DRC1: variants seen among roughly 807,000 people sequenced by gnomAD.
DRC1 encodes the protein dynein regulatory complex subunit 1.
DRC1 carries 74 observed loss-of-function variants against 98.7 expected under a neutral mutation model. The ratio of observed to expected loss-of-function variants is 0.75; its 90% CI spans 0.62 to 0.91. The LOEUF is 0.91. Ranked by LOEUF, DRC1 falls within the 40% of genes least tolerant of loss-of-function variation. The pLI, the probability that DRC1 is intolerant of heterozygous loss-of-function variation, is 0.00. For synonymous variants in DRC1, 336 were observed against 334.1 expected (o/e 1.01, Z -0.06); for missense variants, 875 against 886.0 (o/e 0.99, Z 0.16).
At position 26,440,467 on chromosome 2, in the gene DRC1, A is replaced by C. The variant is rs747757521; in HGVS notation, c.978A>C (p.Arg326Ser). 1 of 1,613,560 alleles carries C rather than the reference A, an allele frequency of 6.2e-7. No individual in the cohort carries two copies. The highest frequency in any genetic ancestry group is 8.5e-7 in the Non-Finnish European group (1 of 1,179,766). Residue 326 changes from arginine to serine, a missense_variant, in exon 8 of 17, where the codon AGA becomes AGC. Coordinates refer to ENST00000288710, the MANE Select transcript of DRC1 (RefSeq NM_145038.5). ...ACAACTTGCAGGTGCTGAAGAAGAG[A>C]GATGAAGAAAGCACAGTAATTAAAT... The part of the protein sequence containing the change: ...LEYNLQVLKK[R>S]DEESTVIKSQ...
At chr2:26,414,002 C>A (rs921123773) in intron 1 of DRC1, among the ~76,000 whole-genome samples, 7 of 151,856 alleles carry the variant, frequency 4.6e-5, no homozygotes, top group Non-Finnish European at 5.9e-5. Context: ...AGCAGTCCTT[C>A]TGCCTTGGCC....
At chr2:26,421,100 A>G (rs1433477942) in intron 2 of DRC1, 188 bp from the exon 3 acceptor site, 1 of 455,894 alleles carries the variant, frequency 2.2e-6, no homozygotes, top group Non-Finnish European at 4.0e-6. Flanking sequence ...TGAGCTGTAA[A>G]ATCACATCAC....
chr2:26,405,346 T>C (rs1572348334), intron 1 of DRC1, among the ~76,000 whole-genome samples: 1 of 152,186 alleles, frequency 6.6e-6, no homozygotes, highest in Non-Finnish European at 1.5e-5. Flanking sequence ...GATTCTATGA[T>C]AAACAAGGCA....
intron 16 of DRC1, among the ~76,000 whole-genome samples, chr2:26,455,869 C>T (rs369173241): frequency 6.6e-6 from 1 of 152,230 alleles, no homozygotes; most frequent in Non-Finnish European, 1.5e-5. Flanking sequence ...ACATTTCCTG[C>T]TCTGCGGGTG....
intron 7 of DRC1, among the ~76,000 whole-genome samples, chr2:26,435,821 GGTGTATAC>G (rs1302604705): frequency 6.6e-6 from 1 of 151,462 alleles, no homozygotes; most frequent in Admixed American, 6.6e-5. Context: ...AATATTCCAT[GGTGTATAC>G]GTACCACATT....
Position 26,444,248 on chromosome 2 carries a change from G to A in DRC1, c.1055G>A (p.Arg352Lys). The A allele has an allele frequency of 1.9e-6, 3 of 1,614,102 alleles. No individual in the cohort carries two copies. In the South Asian group the frequency reaches 3.3e-5, roughly 18 times the overall value. ...CTGCATGATATACTTAACAATCTGAGATCAAAATATGCCAAGCAAATAAAG... is the reference window on the plus strand; with the variant it reads ...CTGCATGATATACTTAACAATCTGAAATCAAAATATGCCAAGCAAATAAAG... ...NRLHDILNNLRSKYAKQIKQF... is the reference protein window; with the variant it reads ...NRLHDILNNLKSKYAKQIKQF... Residue 352 changes from arginine to lysine, a missense_variant, in exon 9 of 17, where the codon AGA (arginine) becomes AAA (lysine). By Grantham distance (26) the Arg-to-Lys change is conservative. Transcript: ENST00000288710.
In DRC1 at chr2:26,424,455, G is replaced by A. The variant is rs1171009877; in HGVS notation, c.540+1G>A. On this transcript the variant is annotated splice_donor_variant, in intron 4 of 16. Coordinates refer to ENST00000288710, the MANE Select transcript of DRC1 (RefSeq NM_145038.5). LOFTEE classifies it high-confidence loss of function. The stretch of plus-strand genomic sequence containing the variant: ...TAAACTCATCAGCGAGTTACAGCAG[G>A]CAAGAGGCCCGGGCCCTCCAGCCCA... 2 of 1,604,134 alleles carry A rather than the reference G, an allele frequency of 1.2e-6. No individual in the cohort carries two copies. Among genetic ancestry groups the A allele is most frequent in the Non-Finnish European group, 8.5e-7 (1 of 1,173,014 alleles).
intron 2 of DRC1, among the ~76,000 whole-genome samples, chr2:26,416,202 G>A (rs779604976): frequency 2.0e-5 from 3 of 152,120 alleles, no homozygotes; most frequent in Admixed American, 6.5e-5. Context: ...TATTAGTTCT[G>A]ACCTAAGATC....
intron 1 of DRC1, 109 bp from the exon 2 acceptor site, chr2:26,414,235 C>T: frequency 9.0e-7 from 1 of 1,115,856 alleles, no homozygotes; most frequent in Non-Finnish European, 1.3e-6. Flanking sequence ...TCTTGGTCTC[C>T]CAAACTGTTG....
intron 3 of DRC1, among the ~76,000 whole-genome samples, chr2:26,422,573 A>G (rs1258211640): frequency 6.6e-6 from 1 of 152,226 alleles, no homozygotes; most frequent in African/African-American, 2.4e-5. Flanking sequence ...GCAGGTCCTC[A>G]TTTAAGCTTT....
intron 2 of DRC1, 64 bp downstream of exon 2, chr2:26,414,495 C>T (rs947372670): frequency 2.1e-6 from 3 of 1,435,378 alleles, no homozygotes; most frequent in Non-Finnish European, 2.9e-6. Context: ...TCATGGTTTT[C>T]ACATTTAGAC....
At chr2:26,415,024 T>A (rs960568301) in intron 2 of DRC1, among the ~76,000 whole-genome samples, 1 of 152,228 alleles carries the variant, frequency 6.6e-6, no homozygotes, top group Non-Finnish European at 1.5e-5. Flanking sequence ...TCATTTTAGA[T>A]AGCTTTCTGC....
chr2:26,440,252 C>T, intron 7 of DRC1, 126 bp from the exon 8 acceptor site: 1 of 1,207,412 alleles, frequency 8.3e-7, no homozygotes. Flanking sequence ...AAAGCATGTT[C>T]CCCAAAAGAC....
chr2:26,424,759 C>G (rs1032596438), intron 4 of DRC1, among the ~76,000 whole-genome samples: 2 of 152,112 alleles, frequency 1.3e-5, no homozygotes, highest in African/African-American at 2.4e-5. Context: ...TGAGACCAGC[C>G]TGGCCAACAT....
At chr2:26,411,789 C>T (rs1381465495) in intron 1 of DRC1, among the ~76,000 whole-genome samples, 1 of 148,272 alleles carries the variant, frequency 6.7e-6, no homozygotes, top group African/African-American at 2.6e-5. Context: ...GAGCAAGACT[C>T]TGTCTTAAAA....
chr2:26,445,000 CATCGG>C, intron 10 of DRC1, 52 bp downstream of exon 10: 2 of 1,576,776 alleles, frequency 1.3e-6, no homozygotes, highest in East Asian at 4.5e-5. Context: ...CCCCTGAGAA[CATCGG>C]GTCAAGCCAG....
At chr2:26,445,065 A>G in intron 10 of DRC1, 117 bp downstream of exon 10, 1 of 1,108,314 alleles carries the variant, frequency 9.0e-7, no homozygotes, top group African/African-American at 1.6e-5. Flanking sequence ...GATTATTGGT[A>G]TCGCTTTTAA....
chr2:26,432,546 AAAGAAAGAAAGG>A (rs1558445680), intron 7 of DRC1, among the ~76,000 whole-genome samples: 1 of 150,944 alleles, frequency 6.6e-6, no homozygotes, highest in African/African-American at 2.4e-5. Flanking sequence ...GAAAGAAAGA[AAAGAAAGAAAGG>A]AAGAAAGGAA....
In DRC1 at chr2:26,456,519, C is replaced by T. The variant is rs766273241; in HGVS notation, c.*2C>T. The T allele has an allele frequency of 2.5e-6, 4 of 1,613,980 alleles. No homozygotes were observed. Among genetic ancestry groups the T allele is most frequent in the Non-Finnish European group, 2.5e-6 (3 of 1,179,976 alleles). ...GTGTTGCGGGTACCCACAAAATGAG[C>T]TGGACCGCCAAAGGCTGATGTGTTA... On this transcript the variant is annotated 3_prime_UTR_variant, in exon 17 of 17. Coordinates refer to ENST00000288710, the MANE Select transcript of DRC1 (RefSeq NM_145038.5).
Sources: allele counts gnomAD v4.1 joint callset (sites outside exome capture counted in the v4.1 genomes callset), GRCh38; gene constraint gnomAD v4.1.1; transcripts MANE v1.5; gene names NCBI Gene and HGNC (gene_info 2026-07-23, HGNC 2026-07-21).